RRP15: variants seen among roughly 807,000 people sequenced by gnomAD.
RRP15 encodes RRP15-like protein.
A neutral mutation model predicts 27.1 loss-of-function variants in RRP15; 18 were observed. The ratio of observed to expected loss-of-function variants is 0.66; its 90% CI spans 0.46 to 0.98. The LOEUF (loss-of-function observed/expected upper bound fraction) is 0.98, where lower values mean the gene tolerates loss of function less well. Ranked by LOEUF, RRP15 falls within the 50% of genes least tolerant of loss-of-function variation. The pLI, the probability that RRP15 is intolerant of heterozygous loss-of-function variation, is 0.00. For synonymous variants in RRP15, 107 were observed against 109.4 expected (o/e 0.98, Z 0.14); for missense variants, 359 against 337.8 (o/e 1.06, Z -0.49).
At chr1:218,302,735 A>G (rs1483713416) in intron 2 of RRP15, 176 bp downstream of exon 2, 1 of 971,912 alleles carries the variant, frequency 1.0e-6, no homozygotes, top group Non-Finnish European at 1.5e-6. Context: ...TATTCCATTG[A>G]GCATGTTCAC....
chr1:218,285,310 C>A lies in RRP15; in HGVS notation c.-7C>A, dbSNP rs756224004. On this transcript the variant is annotated 5_prime_UTR_variant, in exon 1 of 5. Coordinates refer to ENST00000366932, the MANE Select transcript of RRP15 (RefSeq NM_016052.4). ...CAACTGTCAGGTGACGCTTCCGGCG[C>A]AGAAAAATGGCAGCCGCCGCTCCGG... 1.9e-6 allele frequency: 3 copies of A among 1,612,980 alleles called. No homozygotes were observed. Among genetic ancestry groups the A allele is most frequent in the South Asian group, 1.1e-5 (1 of 91,026 alleles).
chr1:218,319,261 C>T (rs960221876), intron 4 of RRP15, among the ~76,000 whole-genome samples: 2 of 152,074 alleles, frequency 1.3e-5, no homozygotes, highest in Non-Finnish European at 2.9e-5. Flanking sequence ...GATGGGGTTT[C>T]ACCATGTTGG....
At chr1:218,318,504 AT>A (rs1656124559) in intron 4 of RRP15, among the ~76,000 whole-genome samples, 2 of 152,184 alleles carry the variant, frequency 1.3e-5, no homozygotes, top group South Asian at 4.1e-4. Flanking sequence ...AGGTTTATGA[AT>A]TTGTCTGATT....
At chr1:218,309,608 G>C (rs1019202113) in intron 4 of RRP15, among the ~76,000 whole-genome samples, 3 of 150,612 alleles carry the variant, frequency 2.0e-5, no homozygotes, top group Non-Finnish European at 4.4e-5. Flanking sequence ...TCTTGAACCC[G>C]GGAGGCAGAG....
Position 218,310,305 on chromosome 1 carries a change from G to A in RRP15, c.705+2673G>A, listed in dbSNP as rs989928602. On this transcript the variant is annotated intron_variant, in intron 4 of 4. Coordinates refer to ENST00000366932, the MANE Select transcript of RRP15 (RefSeq NM_016052.4). ...TTAAATTCAATATTCCTAATATTGTGAAGTCTCTAAAATTGGAGGCCACCC... is the reference window on the plus strand; with the variant it reads ...TTAAATTCAATATTCCTAATATTGTAAAGTCTCTAAAATTGGAGGCCACCC... Among the ~76,000 whole-genome samples, 5 of 152,010 alleles carry A rather than the reference G, an allele frequency of 3.3e-5. No individual in the cohort carries two copies. The South Asian group carries it at 8.3e-4, about 25-fold the overall frequency.
Position 218,330,983 on chromosome 1 carries a change from G to T in RRP15, c.741G>T (p.Thr247=). The part of the protein sequence containing the change: ...EVKSEEGPGW[T]ILRDDFMMGA... ...AATCAGAAGAAGGCCCAGGTTGGAC[G>T]ATCCTACGTGATGATTTCATGATGG... is the stretch of plus-strand genomic sequence containing the variant. The change falls in exon 5 of 5, where the codon ACG becomes ACT. Residue 247 remains threonine (T), a synonymous_variant. Transcript: ENST00000366932. 1 of 1,613,110 alleles carries T rather than the reference G, an allele frequency of 6.2e-7. No individual in the cohort carries two copies. Among genetic ancestry groups the T allele is most frequent in the Non-Finnish European group, 8.5e-7 (1 of 1,179,278 alleles).
chr1:218,330,369 T>C lies in RRP15; in HGVS notation c.706-579T>C, dbSNP rs181587620. Among the ~76,000 whole-genome samples the C allele has an allele frequency of 1.6e-4, 24 of 152,340 alleles. No individual in the cohort carries two copies. In the East Asian group the frequency reaches 3.8e-3, roughly 24 times the overall value. The stretch of plus-strand genomic sequence containing the variant: ...ATAATTTCAACATACGATTAGTCTT[T>C]GATTACATGATTGGGTCAGGCAGTG... On this transcript the variant is annotated intron_variant, in intron 4 of 4. Coordinates refer to ENST00000366932, the MANE Select transcript of RRP15 (RefSeq NM_016052.4).
Position 218,331,149 on chromosome 1 carries a change from C to A in RRP15, c.*58C>A. The A allele has an allele frequency of 6.7e-7, 1 of 1,496,684 alleles. No individual in the cohort carries two copies. Among genetic ancestry groups the A allele is most frequent in the Non-Finnish European group, 9.1e-7 (1 of 1,103,394 alleles). 92.7% of individuals were successfully genotyped at this position (1,496,684 alleles called of 1,614,324 possible). A position where few individuals can be genotyped will look rare whatever the true frequency, so the allele number is the denominator to read the frequency against. ...ATTTTTTCTAGAAAAATATGTCATC[C>A]TCTGATAGTTGGGGAATTATAAGGA... On this transcript the variant is annotated 3_prime_UTR_variant, in exon 5 of 5. Coordinates refer to ENST00000366932, the MANE Select transcript of RRP15 (RefSeq NM_016052.4).
rs1197755144 is a variant in RRP15, at chr1:218,332,226, T to G, written c.*1135T>G. The stretch of plus-strand genomic sequence containing the variant: ...TTTTATGGACTGCCCAACCAGTGAA[T>G]TGATGCACTTAGACAACAAGTAATC... On this transcript the variant is annotated 3_prime_UTR_variant, in exon 5 of 5. Transcript: ENST00000366932. The G allele has an allele frequency of 6.6e-6, 1 of 152,218 alleles. No individual in the cohort carries two copies. The highest frequency in any genetic ancestry group is 1.5e-5 in the Non-Finnish European group (1 of 68,040). The allele number at this position is 152,218 out of a possible 1,614,324, so 9.4% of individuals were successfully genotyped here.
intron 1 of RRP15, among the ~76,000 whole-genome samples, chr1:218,286,615 CA>C (rs2102488357): frequency 6.6e-6 from 1 of 152,298 alleles, no homozygotes; most frequent in African/African-American, 2.4e-5. Context: ...GCTGCTTTCC[CA>C]ATTGGAATAT....
intron 4 of RRP15, among the ~76,000 whole-genome samples, chr1:218,324,455 C>T (rs997890682): frequency 6.6e-6 from 1 of 152,188 alleles, no homozygotes. Context: ...CAATTATCTG[C>T]CTCAGGGACG....
Position 218,307,529 on chromosome 1 carries a change from T to C in RRP15, c.602T>C (p.Leu201Ser). Residue 201 changes from leucine to serine, a missense_variant, in exon 4 of 5, where the codon TTG (leucine) becomes TCG (serine). Leu to Ser is a moderately radical substitution (Grantham distance 145). Transcript: ENST00000366932. ...AGSSMRKRAKLISTVSKKDFI... is the reference protein window; with the variant it reads ...AGSSMRKRAKSISTVSKKDFI... ...AGTTCTATGAGAAAGCGTGCTAAGT[T>C]GATATCAACTGTTTCCAAGAAAGAT... 1 of 1,613,984 alleles carries C rather than the reference T, an allele frequency of 6.2e-7. No individual in the cohort carries two copies. Among genetic ancestry groups the C allele is most frequent in the Non-Finnish European group, 8.5e-7 (1 of 1,179,892 alleles).
chr1:218,309,413 G>A (rs768910599), intron 4 of RRP15, among the ~76,000 whole-genome samples: 2 of 152,072 alleles, frequency 1.3e-5, no homozygotes, highest in South Asian at 2.1e-4. Flanking sequence ...GGCTGGATGC[G>A]GTGGCTCATG....
In RRP15 at chr1:218,337,128, G is replaced by A. The variant is rs1485729663; in HGVS notation, c.*6037G>A. ...TGTAAAGATTGGATTAATGTATGCAGTGTCTATCTAGCACAGTGCCTGTTA... is the reference window on the plus strand; with the variant it reads ...TGTAAAGATTGGATTAATGTATGCAATGTCTATCTAGCACAGTGCCTGTTA... On this transcript the variant is annotated 3_prime_UTR_variant, in exon 5 of 5. Transcript: ENST00000366932. 6.6e-6 allele frequency: 1 copy of A among 152,198 alleles called. No homozygotes were observed. Among genetic ancestry groups the A allele is most frequent in the Non-Finnish European group, 1.5e-5 (1 of 68,036 alleles). 9.4% of individuals were successfully genotyped at this position (152,198 alleles called of 1,614,324 possible).
intron 4 of RRP15, among the ~76,000 whole-genome samples, chr1:218,327,574 G>A (rs1571810032): frequency 6.6e-6 from 1 of 152,332 alleles, no homozygotes; most frequent in Middle Eastern, 3.4e-3. Context: ...AAACTCCTGG[G>A]ATTACAGGTG....
intron 4 of RRP15, among the ~76,000 whole-genome samples, chr1:218,317,074 T>C (rs1388848804): frequency 3.3e-5 from 5 of 152,238 alleles, no homozygotes; most frequent in African/African-American, 1.2e-4. Context: ...AATTTACTTA[T>C]TAAGATAAGT....
chr1:218,286,741 G>A (rs929425661), intron 1 of RRP15, among the ~76,000 whole-genome samples: 1 of 152,156 alleles, frequency 6.6e-6, no homozygotes, highest in Non-Finnish European at 1.5e-5. Context: ...CAAGAAGAAA[G>A]TGTCATATGC....
intron 4 of RRP15, among the ~76,000 whole-genome samples, chr1:218,308,361 C>T (rs146252903): frequency 9.2e-5 from 14 of 151,870 alleles, no homozygotes; most frequent in Admixed American, 3.9e-4. Flanking sequence ...TGTGAGCCAC[C>T]GAGCCCAGCC....
intron 1 of RRP15, among the ~76,000 whole-genome samples, chr1:218,297,741 A>T (rs536334312): frequency 6.6e-6 from 1 of 152,308 alleles, no homozygotes; most frequent in African/African-American, 2.4e-5. Flanking sequence ...ATTTTAAAAG[A>T]AAAACTGTAA....
Sources: allele counts gnomAD v4.1 joint callset (sites outside exome capture counted in the v4.1 genomes callset), GRCh38; gene constraint gnomAD v4.1.1; transcripts MANE v1.5; gene names NCBI Gene and HGNC (gene_info 2026-07-23, HGNC 2026-07-21).